The following NLGN1 variants were observed in gnomAD, a reference collection of about 807,000 sequenced individuals.
NLGN1 encodes neuroligin 1.
A neutral mutation model predicts 65.5 loss-of-function variants in NLGN1; 12 were observed. The observed-to-expected ratio is 0.18, with a 90% confidence interval of 0.12 to 0.30. The LOEUF is 0.30. Among genes scored for constraint, NLGN1 ranks in the 10% least tolerant of loss-of-function variants. The probability of loss-of-function intolerance (pLI) is 1.00; values close to 1 mark genes in which losing one functional copy is unlikely to be tolerated. For missense variants in NLGN1, 750 were observed against 1,007.1 expected (o/e 0.74, Z 3.46); for synonymous variants, 350 against 359.5 (o/e 0.97, Z 0.30).
At chr3:174,264,956 T>TGTG (rs1272104580) in intron 4 of NLGN1, among the ~76,000 whole-genome samples, 1 of 152,124 alleles carries the variant, frequency 6.6e-6, no homozygotes, top group Admixed American at 6.5e-5. Context: ...GAGGTGTCAG[T>TGTG]GTGCCCCTGC....
At chr3:173,858,846 T>G (rs181748285) in intron 4 of NLGN1, among the ~76,000 whole-genome samples, 1 of 152,212 alleles carries the variant, frequency 6.6e-6, no homozygotes, top group Non-Finnish European at 1.5e-5. Context: ...ATACTTCTCC[T>G]AGGTCTGAAA....
Position 174,279,412 on chromosome 3 carries a change from G to A in NLGN1, c.1411G>A (p.Ala471Thr). Residue 471 changes from alanine to threonine, a missense_variant, in exon 6 of 7, where the codon GCC becomes ACC. Ala to Thr is a moderately conservative substitution (Grantham distance 58, BLOSUM62 0). Transcript: ENST00000457714. The surrounding 1 kb of genome is among the most constrained non-coding windows in gnomAD (Gnocchi z 4.7). ...CCATCAGTGGGTGGCACCAGCTGTA[G>A]CCACAGCGGATCTTCACTCAAACTT... 1 of 1,613,312 alleles carries A rather than the reference G, an allele frequency of 6.2e-7. No individual in the cohort carries two copies. The highest frequency in any genetic ancestry group is 8.5e-7 in the Non-Finnish European group (1 of 1,179,554).
chr3:173,812,713 G>A (rs554035761), intron 4 of NLGN1, among the ~76,000 whole-genome samples: 5 of 148,238 alleles, frequency 3.4e-5, no homozygotes, highest in African/African-American at 1.2e-4. Flanking sequence ...TCTTAAAAAG[G>A]TTGTGTGTAT....
At position 173,921,693 on chromosome 3, in the gene NLGN1, T is replaced by A. The variant is rs1244232724; in HGVS notation, c.646+113861T>A. 3.3e-5 allele frequency among the ~76,000 whole-genome samples: 5 copies of A among 152,246 alleles called. No homozygotes were observed. In the East Asian group the frequency reaches 5.8e-4, roughly 18 times the overall value. On this transcript the variant is annotated intron_variant, in intron 4 of 6. Transcript: ENST00000457714. ...CGTACAGCTAATGAGTGTTAAAACT[T>A]GAAATGAGCTGAACCCTCCTAGCAA...
chr3:173,981,547 A>G (rs1718784072), intron 4 of NLGN1, among the ~76,000 whole-genome samples: 1 of 152,162 alleles, frequency 6.6e-6, no homozygotes, highest in South Asian at 2.1e-4. Flanking sequence ...TTTATCTGGT[A>G]CATTACATTT....
At chr3:173,488,836 A>T (rs1441494754) in intron 2 of NLGN1, among the ~76,000 whole-genome samples, 3 of 150,210 alleles carry the variant, frequency 2.0e-5, no homozygotes, top group South Asian at 4.2e-4. Flanking sequence ...TTCTTTCAAA[A>T]TTTTTTCCTT....
chr3:173,456,498 T>G (rs1385111817), intron 2 of NLGN1, among the ~76,000 whole-genome samples: 2 of 152,178 alleles, frequency 1.3e-5, no homozygotes, highest in African/African-American at 4.8e-5. Context: ...AGTGTTAATA[T>G]GAATTAAATA....
intron 1 of NLGN1, among the ~76,000 whole-genome samples, chr3:173,406,773 A>G (rs1194945295): frequency 2.6e-5 from 4 of 151,818 alleles, no homozygotes; most frequent in Non-Finnish European, 5.9e-5. Context: ...TTACTTTTTG[A>G]TGAATAACAA....
chr3:174,176,758 A>G (rs1369774937), intron 4 of NLGN1, among the ~76,000 whole-genome samples: 4 of 152,076 alleles, frequency 2.6e-5, no homozygotes, highest in Admixed American at 6.6e-5. Context: ...TTTAAATACA[A>G]TTGCATGTAT....
At chr3:173,751,360 A>G (rs538745870) in intron 3 of NLGN1, among the ~76,000 whole-genome samples, 7 of 152,120 alleles carry the variant, frequency 4.6e-5, no homozygotes, top group Non-Finnish European at 4.4e-5. Flanking sequence ...ATAAAGATAT[A>G]TAGCCGTAAC....
At chr3:173,899,318 A>G (rs1177766817) in intron 4 of NLGN1, among the ~76,000 whole-genome samples, 1 of 152,112 alleles carries the variant, frequency 6.6e-6, no homozygotes, top group African/African-American at 2.4e-5. Context: ...TTAGTAAAAA[A>G]TTTTTCAGAC....
intron 3 of NLGN1, among the ~76,000 whole-genome samples, chr3:173,783,962 C>G (rs1055531482): frequency 1.3e-5 from 2 of 152,134 alleles, no homozygotes; most frequent in African/African-American, 4.8e-5. Context: ...AAGGTAGAAA[C>G]TTTGCTTAAA....
intron 2 of NLGN1, among the ~76,000 whole-genome samples, chr3:173,514,698 T>C (rs746743784): frequency 8.5e-5 from 13 of 152,142 alleles, no homozygotes; most frequent in Non-Finnish European, 1.3e-4. Flanking sequence ...ACCACAATTA[T>C]ATTGTTTGCC....
At chr3:173,852,305 G>T (rs949577911) in intron 4 of NLGN1, among the ~76,000 whole-genome samples, 1 of 130,628 alleles carries the variant, frequency 7.7e-6, no homozygotes, top group Non-Finnish European at 1.5e-5. Context: ...GCAGTGAGCC[G>T]AGATCGCGCC....
chr3:174,163,162 T>C (rs1055452761), intron 4 of NLGN1, among the ~76,000 whole-genome samples: 1 of 151,992 alleles, frequency 6.6e-6, no homozygotes, highest in Non-Finnish European at 1.5e-5. Flanking sequence ...CTAGATTTCT[T>C]TTTTCTAGGT....
intron 2 of NLGN1, among the ~76,000 whole-genome samples, chr3:173,565,453 A>G (rs1743483767): frequency 6.6e-6 from 1 of 152,142 alleles, no homozygotes; most frequent in Non-Finnish European, 1.5e-5. Flanking sequence ...TTGAATTCCT[A>G]TTTGGTCTAC....
chr3:173,558,727 A>G (rs181312384), intron 2 of NLGN1, among the ~76,000 whole-genome samples: 4 of 152,186 alleles, frequency 2.6e-5, no homozygotes, highest in Admixed American at 1.3e-4. Flanking sequence ...TTTGAAGTCT[A>G]TGTCTGTTCT....
intron 4 of NLGN1, among the ~76,000 whole-genome samples, chr3:174,073,763 A>C (rs1234031217): frequency 2.6e-5 from 4 of 152,218 alleles, no homozygotes; most frequent in Non-Finnish European, 5.9e-5. Flanking sequence ...ACTTACCTGA[A>C]TCATATGTCT....
intron 1 of NLGN1, among the ~76,000 whole-genome samples, chr3:173,431,360 G>A (rs559087018): frequency 3.3e-5 from 5 of 151,950 alleles, no homozygotes; most frequent in African/African-American, 4.8e-5. Flanking sequence ...GTAGTTTGGG[G>A]CAAATATGGA....
Sources: gnomAD v4.1 joint callset for allele counts (sites outside exome capture counted in the v4.1 genomes callset) on GRCh38, gnomAD v4.1.1 for gene constraint, Gnocchi (gnomAD v3.1) non-coding constraint, MANE v1.5 for transcripts, NCBI Gene and HGNC (gene_info 2026-07-23, HGNC 2026-07-21) for gene names.